SGCZ: variants seen among roughly 807,000 people sequenced by gnomAD.
SGCZ encodes the protein zeta-sarcoglycan.
Under a neutral mutation model 41.3 loss-of-function variants are expected in SGCZ, and 40 were observed. The observed-to-expected ratio is 0.97, with a 90% CI of 0.75 to 1.26. SGCZ has a LOEUF of 1.26. Ranked by LOEUF, SGCZ falls within the 50% of genes most tolerant of loss-of-function variation. The pLI, the probability that SGCZ is intolerant of heterozygous loss-of-function variation, is 0.00. For synonymous variants in SGCZ, 206 were observed against 137.5 expected (o/e 1.50, Z -3.49); for missense variants, 552 against 369.8 (o/e 1.49, Z -4.04).
rs181033769 is a variant in SGCZ at position 14,858,464 on chromosome 8, T to C, written c.40-303538A>G. Among the ~76,000 whole-genome samples, 622 of 152,256 alleles carry C rather than the reference T, an allele frequency of 4.1e-3. 4 individuals are homozygous for C. Among genetic ancestry groups the C allele is most frequent in the South Asian group, 0.018 (88 of 4,832 alleles). ...TTTCCTTGCAGTGTGTTGTTTTAGT[T>C]GAAACATGAGAAAAATCTGGACTCA... On this transcript the variant is annotated intron_variant, in intron 1 of 7. Transcript: ENST00000382080.
chr8:14,468,999 T>C (rs1227213706), intron 2 of SGCZ, among the ~76,000 whole-genome samples: 1 of 152,108 alleles, frequency 6.6e-6, no homozygotes, highest in Non-Finnish European at 1.5e-5. Context: ...TATAATAACC[T>C]ACTCACTTGT....
chr8:15,179,865 A>G (rs1455373274), intron 1 of SGCZ, among the ~76,000 whole-genome samples: 1 of 152,172 alleles, frequency 6.6e-6, no homozygotes, highest in Non-Finnish European at 1.5e-5. Context: ...CAAAGTAGGA[A>G]GAAGATATAA....
intron 1 of SGCZ, among the ~76,000 whole-genome samples, chr8:14,974,759 A>T (rs1253846029): frequency 6.6e-6 from 1 of 152,102 alleles, no homozygotes; most frequent in Non-Finnish European, 1.5e-5. Flanking sequence ...TTTGTGAACT[A>T]TAGTCCATGA....
intron 1 of SGCZ, among the ~76,000 whole-genome samples, chr8:14,705,965 A>T (rs1809320176): frequency 6.6e-6 from 1 of 152,068 alleles, no homozygotes; most frequent in African/African-American, 2.4e-5. Context: ...TCCCATAATT[A>T]TTTGTTGAAT....
At chr8:14,994,111 T>C (rs970059977) in intron 1 of SGCZ, among the ~76,000 whole-genome samples, 1 of 152,214 alleles carries the variant, frequency 6.6e-6, no homozygotes, top group Non-Finnish European at 1.5e-5. Context: ...GACTTATCTT[T>C]AGTTCATTCA....
chr8:15,171,495 G>A (rs929465337), intron 1 of SGCZ, among the ~76,000 whole-genome samples: 8 of 152,184 alleles, frequency 5.3e-5, no homozygotes, highest in African/African-American at 1.9e-4. Flanking sequence ...GCCCTTCAGA[G>A]TCCCTGTGCT....
At chr8:14,552,612 C>T (rs891758327) in intron 2 of SGCZ, among the ~76,000 whole-genome samples, 1 of 152,004 alleles carries the variant, frequency 6.6e-6, no homozygotes, top group Non-Finnish European at 1.5e-5. Flanking sequence ...TTATAATTTA[C>T]ATTCTGGCCA....
chr8:15,086,703 C>T (rs1482149701), intron 1 of SGCZ, among the ~76,000 whole-genome samples: 1 of 151,894 alleles, frequency 6.6e-6, no homozygotes, highest in Non-Finnish European at 1.5e-5. Context: ...TTACATCCTC[C>T]CAAATTTTTA....
intron 3 of SGCZ, among the ~76,000 whole-genome samples, chr8:14,253,814 A>T (rs6530743): frequency 0.67 from 101,497 of 151,952 alleles, 34,287 homozygotes; most frequent in South Asian, 0.79. Flanking sequence ...AATAAACATT[A>T]GCAAATATTG....
intron 1 of SGCZ, among the ~76,000 whole-genome samples, chr8:14,651,758 G>A (rs1254466868): frequency 6.6e-6 from 1 of 151,950 alleles, no homozygotes; most frequent in African/African-American, 2.4e-5. Context: ...TTCAAATATT[G>A]TGTTTCTACC....
intron 3 of SGCZ, among the ~76,000 whole-genome samples, chr8:14,273,789 G>GT (rs1334714421): frequency 6.6e-6 from 1 of 152,008 alleles, no homozygotes; most frequent in Non-Finnish European, 1.5e-5. Context: ...AATGAGCATC[G>GT]TAATAGCCTC....
chr8:14,329,662 A>G (rs1025900985), intron 2 of SGCZ, among the ~76,000 whole-genome samples: 2 of 152,096 alleles, frequency 1.3e-5, no homozygotes, highest in Admixed American at 6.6e-5. Context: ...AATATTTACT[A>G]TGCTTTCTAA....
At chr8:14,108,717 A>T (rs1802284536) in intron 5 of SGCZ, among the ~76,000 whole-genome samples, 1 of 152,210 alleles carries the variant, frequency 6.6e-6, no homozygotes, top group South Asian at 2.1e-4. Flanking sequence ...ATCACAGGAT[A>T]TGAATGAGAA....
chr8:14,600,894 GAT>G (rs2117311785), intron 1 of SGCZ, among the ~76,000 whole-genome samples: 1 of 150,792 alleles, frequency 6.6e-6, no homozygotes, highest in African/African-American at 2.4e-5. Flanking sequence ...CAAGCCTTCT[GAT>G]ATTTTTTTTT....
At chr8:14,790,467 G>A (rs1244465074) in intron 1 of SGCZ, among the ~76,000 whole-genome samples, 2 of 152,084 alleles carry the variant, frequency 1.3e-5, no homozygotes, top group East Asian at 1.9e-4. Flanking sequence ...CATAAAAAAT[G>A]TTTATAATCT....
intron 1 of SGCZ, among the ~76,000 whole-genome samples, chr8:15,099,205 T>C (rs1171550246): frequency 6.6e-6 from 1 of 152,156 alleles, no homozygotes; most frequent in Non-Finnish European, 1.5e-5. Flanking sequence ...GTAGTCTTTG[T>C]GATTGGCCTT....
At chr8:14,476,420 T>G (rs1292853714) in intron 2 of SGCZ, among the ~76,000 whole-genome samples, 1 of 152,086 alleles carries the variant, frequency 6.6e-6, no homozygotes, top group Non-Finnish European at 1.5e-5. Flanking sequence ...TCTTGCTGAG[T>G]CTATTTCTCT....
At chr8:14,922,679 T>A (rs1327357885) in intron 1 of SGCZ, among the ~76,000 whole-genome samples, 2 of 152,188 alleles carry the variant, frequency 1.3e-5, no homozygotes, top group Non-Finnish European at 2.9e-5. Flanking sequence ...GTTTGGGGTA[T>A]TCCACTAGAC....
Position 14,102,515 on chromosome 8 carries a change from A to G in SGCZ, c.621-16T>C. The G allele has an allele frequency of 7.2e-7, 1 of 1,387,336 alleles. No individual in the cohort carries two copies. The highest frequency in any genetic ancestry group is 1.9e-5 in the South Asian group (1 of 52,870). The allele number at this position is 1,387,336 out of a possible 1,614,324, so 85.9% of individuals were successfully genotyped here. On this transcript the variant is annotated splice_polypyrimidine_tract_variant and intron_variant, in intron 6 of 7. Coordinates refer to ENST00000382080, the MANE Select transcript of SGCZ (RefSeq NM_139167.4). ...TGATTCAAGCCTAAGGGAAAAACAA[A>G]AAATCATTAATAGGAAAAAAAAACA...
Sources: gnomAD v4.1 joint callset for allele counts (sites outside exome capture counted in the v4.1 genomes callset) on GRCh38, gnomAD v4.1.1 for gene constraint, MANE v1.5 for transcripts, NCBI Gene and HGNC (gene_info 2026-07-23, HGNC 2026-07-21) for gene names.